Variants in CARD8 observed in about 807,000 individuals in gnomAD.
CARD8 encodes the protein caspase recruitment domain family member 8.
Under a neutral mutation model 53.2 loss-of-function variants are expected in CARD8, and 38 were observed. The ratio of observed to expected loss-of-function variants is 0.71; its 90% CI spans 0.55 to 0.94. CARD8 has a LOEUF of 0.94. Ranked by LOEUF, CARD8 falls within the 40% of genes least tolerant of loss-of-function variation. The probability of loss-of-function intolerance (pLI) is 0.00; values close to 1 mark genes in which losing one functional copy is unlikely to be tolerated. For synonymous variants in CARD8, 245 were observed against 244.9 expected (o/e 1.00, Z 0.00); for missense variants, 561 against 655.5 (o/e 0.86, Z 1.57).
At chr19:48,220,680 A>G (rs1435849685) in intron 11 of CARD8, among the ~76,000 whole-genome samples, 4 of 151,990 alleles carry the variant, frequency 2.6e-5, no homozygotes, top group African/African-American at 7.3e-5. Flanking sequence ...TTGGGAGGCC[A>G]AGGTGGGCAG....
At chr19:48,255,315 A>G (rs1357524953) in intron 1 of CARD8, among the ~76,000 whole-genome samples, 1 of 152,156 alleles carries the variant, frequency 6.6e-6, no homozygotes, top group African/African-American at 2.4e-5. Flanking sequence ...GCAGTGAGCC[A>G]AGATCATGCC....
intron 3 of CARD8, among the ~76,000 whole-genome samples, chr19:48,246,890 T>C (rs2146950790): frequency 6.6e-6 from 1 of 152,356 alleles, no homozygotes; most frequent in South Asian, 2.1e-4. Flanking sequence ...ATGGCAACTT[T>C]ATGGACATCT....
At chr19:48,254,288 T>C (rs2047307753) in intron 1 of CARD8, among the ~76,000 whole-genome samples, 1 of 152,162 alleles carries the variant, frequency 6.6e-6, no homozygotes, top group Non-Finnish European at 1.5e-5. Context: ...AAAAGTTAGC[T>C]CATATTTCAA....
chr19:48,244,847 A>C (rs1383063159), intron 3 of CARD8, among the ~76,000 whole-genome samples: 1 of 152,082 alleles, frequency 6.6e-6, no homozygotes, highest in Non-Finnish European at 1.5e-5. Flanking sequence ...ATCAAAGGAA[A>C]ATGATGGACC....
At chr19:48,207,004 C>G (rs1210648212), downstream of CARD8, among the ~76,000 whole-genome samples, 1 of 151,866 alleles carries the variant, frequency 6.6e-6, no homozygotes, top group East Asian at 1.9e-4. Flanking sequence ...CTCTGTTCTA[C>G]TAAAAATACA....
chr19:48,247,775 TATAC>T (rs140945801), intron 3 of CARD8, among the ~76,000 whole-genome samples: 4,602 of 80,566 alleles, frequency 0.057, 71 homozygotes, highest in African/African-American at 0.097. Flanking sequence ...TATATATATA[TATAC>T]ACACACACAC....
intron 13 of CARD8, among the ~76,000 whole-genome samples, chr19:48,213,952 C>A (rs1053196627): frequency 6.6e-6 from 1 of 152,198 alleles, no homozygotes; most frequent in Non-Finnish European, 1.5e-5. Context: ...TCTTGACTAT[C>A]CTTCTCATGT....
chr19:48,243,360 T>C (rs2045548778), intron 3 of CARD8, among the ~76,000 whole-genome samples: 2 of 152,202 alleles, frequency 1.3e-5, no homozygotes, highest in Admixed American at 6.5e-5. Flanking sequence ...ATACAAATGT[T>C]TTATTTTACC....
chr19:48,216,755 A>G (rs1447562235), intron 12 of CARD8, among the ~76,000 whole-genome samples: 2 of 152,210 alleles, frequency 1.3e-5, no homozygotes, highest in Non-Finnish European at 2.9e-5. Flanking sequence ...AGTGGTCCCC[A>G]ACCTTTTTGG....
Position 48,210,893 on chromosome 19 carries a change from C to CA in CARD8, c.*816dup, listed in dbSNP as rs1315814917. On this transcript the variant is annotated 3_prime_UTR_variant, in exon 14 of 14. Transcript: ENST00000651546. ...GACAGCTGAAATGGCTACAAAATGA[C>CA]AGAGTCTATGGTAGAATCCAAATGT... 3 of 152,344 alleles carry CA rather than the reference C, an allele frequency of 2.0e-5. No homozygotes were observed. The highest frequency in any genetic ancestry group is 4.8e-5 in the African/African-American group (2 of 41,446). The allele number at this position is 152,344 out of a possible 1,614,324, so 9.4% of individuals were successfully genotyped here. A position where few individuals can be genotyped will look rare whatever the true frequency, so the allele number is the denominator to read the frequency against.
At chr19:48,241,088 T>C (rs16981853) in intron 3 of CARD8, 25 bp from the exon 4 acceptor site, 405,684 of 1,278,290 alleles carry the variant, frequency 0.32, 65,382 homozygotes, top group East Asian at 0.46. Flanking sequence ...GGAGGTTGTA[T>C]TTAGGTACTT....
At chr19:48,218,812 A>G in intron 12 of CARD8, 59 bp downstream of exon 12, 4 of 1,537,062 alleles carry the variant, frequency 2.6e-6, no homozygotes, top group Non-Finnish European at 1.8e-6. Context: ...TTGAAATCCA[A>G]GGATAGAGGT....
intron 3 of CARD8, among the ~76,000 whole-genome samples, chr19:48,245,157 C>T (rs11878901): frequency 0.051 from 7,697 of 152,194 alleles, 650 homozygotes; most frequent in African/African-American, 0.17. Flanking sequence ...AGAAACATAA[C>T]GAATCACCTG....
intron 11 of CARD8, among the ~76,000 whole-genome samples, chr19:48,221,022 A>AAGAG (rs1168628740): frequency 6.7e-6 from 1 of 149,406 alleles, no homozygotes; most frequent in African/African-American, 2.5e-5. Flanking sequence ...GAAAGAAAGA[A>AAGAG]AGAGAGAAAG....
intron 1 of CARD8, among the ~76,000 whole-genome samples, chr19:48,254,060 G>C (rs1218005449): frequency 6.6e-6 from 1 of 152,196 alleles, no homozygotes; most frequent in Non-Finnish European, 1.5e-5. Context: ...AAGTGGAAGA[G>C]TTTAATGCAC....
In CARD8 at chr19:48,231,770, A is replaced by G. The variant is rs2042940151; in HGVS notation, c.432T>C (p.Tyr144=). The change falls in exon 8 of 14, where the codon TAT becomes TAC. Residue 144 remains tyrosine (Y), a synonymous_variant. Coordinates refer to ENST00000651546, the MANE Select transcript of CARD8 (RefSeq NM_001184900.3). The part of the protein sequence containing the change: ...CSEENQIVSS[Y]ASKVCFEIEE... ...CGATCTCAAAACAGACTTTAGAAGCATAAGAGGAAACTATTTGATTCTCTT... is the reference window on the plus strand; with the variant it reads ...CGATCTCAAAACAGACTTTAGAAGCGTAAGAGGAAACTATTTGATTCTCTT... The G allele has an allele frequency of 1.9e-6, 3 of 1,613,914 alleles. No homozygotes were observed. Among genetic ancestry groups the G allele is most frequent in the Admixed American group, 3.3e-5 (2 of 60,010 alleles).
At chr19:48,241,502 C>T (rs534858226) in intron 3 of CARD8, among the ~76,000 whole-genome samples, 11 of 152,262 alleles carry the variant, frequency 7.2e-5, no homozygotes, top group Non-Finnish European at 1.2e-4. Context: ...GTGATCGGCC[C>T]GTCTCGGCCT....
intron 13 of CARD8, among the ~76,000 whole-genome samples, chr19:48,213,829 A>T (rs2038582210): frequency 6.6e-6 from 1 of 152,078 alleles, no homozygotes; most frequent in Non-Finnish European, 1.5e-5. Flanking sequence ...TCAATCATCC[A>T]CGCTGTTTTG....
intron 13 of CARD8, 146 bp from the exon 14 acceptor site, chr19:48,212,121 T>A: frequency 1.4e-6 from 1 of 718,138 alleles, no homozygotes; most frequent in Non-Finnish European, 2.3e-6. Context: ...ATCACACACA[T>A]TCACAGAGCA....
Sources: allele counts gnomAD v4.1 joint callset (sites outside exome capture counted in the v4.1 genomes callset), GRCh38; gene constraint gnomAD v4.1.1; transcripts MANE v1.5; gene names NCBI Gene and HGNC (gene_info 2026-07-23, HGNC 2026-07-21).